ZNF148: variants seen among roughly 807,000 people sequenced by gnomAD.
ZNF148 encodes the protein zinc finger protein 148.
In ZNF148, 7 loss-of-function variants were observed where a neutral mutation model predicts 67.7. The ratio of observed to expected loss-of-function variants is 0.10; its 90% CI spans 0.06 to 0.19. The LOEUF is 0.19. ZNF148 is among the 10% of genes least tolerant of loss of function. The probability of loss-of-function intolerance (pLI) is 1.00; values close to 1 mark genes in which losing one functional copy is unlikely to be tolerated. For synonymous variants in ZNF148, 333 were observed against 330.7 expected, an observed-to-expected ratio of 1.01 and a Z score of -0.08; for missense variants, 583 against 947.1, an observed-to-expected ratio of 0.62 and a Z score of 5.05.
chr3:125,283,353 C>A (rs558776957), intron 5 of ZNF148, among the ~76,000 whole-genome samples: 1 of 152,226 alleles, frequency 6.6e-6, no homozygotes, highest in South Asian at 2.1e-4. Flanking sequence ...AGCACCAGAA[C>A]AAGAAATTCA....
At chr3:125,325,864 G>A (rs866935151) in intron 2 of ZNF148, among the ~76,000 whole-genome samples, 1 of 152,062 alleles carries the variant, frequency 6.6e-6, no homozygotes, top group Admixed American at 6.5e-5. Flanking sequence ...CCTACACCTG[G>A]ACACAACATA....
chr3:125,366,091 A>C (rs1442291467), intron 1 of ZNF148, among the ~76,000 whole-genome samples: 1 of 152,198 alleles, frequency 6.6e-6, no homozygotes, highest in African/African-American at 2.4e-5. Context: ...CCTTGGCTCA[A>C]TTCTCTACTC....
At chr3:125,354,478 T>C (rs1200228453) in intron 1 of ZNF148, among the ~76,000 whole-genome samples, 12 of 152,236 alleles carry the variant, frequency 7.9e-5, no homozygotes, top group Admixed American at 7.9e-4. Flanking sequence ...GCTTAAGCAA[T>C]CTGAAAATAT....
intron 7 of ZNF148, among the ~76,000 whole-genome samples, chr3:125,239,845 A>G (rs1444367496): frequency 6.6e-6 from 1 of 152,232 alleles, no homozygotes; most frequent in African/African-American, 2.4e-5. Context: ...AAAAAGAAAG[A>G]AAGTGCAGGC....
intron 7 of ZNF148, among the ~76,000 whole-genome samples, chr3:125,265,818 G>T (rs1165999604): frequency 6.6e-6 from 1 of 152,100 alleles, no homozygotes; most frequent in Non-Finnish European, 1.5e-5. Context: ...CAAATAGGTT[G>T]TTCTTTTTGT....
chr3:125,269,261 G>C (rs912491006), intron 7 of ZNF148, among the ~76,000 whole-genome samples: 12 of 148,684 alleles, frequency 8.1e-5, no homozygotes, highest in African/African-American at 2.5e-5. Context: ...TGCACCTGCA[G>C]TCCCAGCTAC....
At chr3:125,321,855 T>C (rs758240725) in intron 3 of ZNF148, among the ~76,000 whole-genome samples, 5 of 151,976 alleles carry the variant, frequency 3.3e-5, no homozygotes, top group Non-Finnish European at 7.4e-5. Flanking sequence ...TTTCCCTGTA[T>C]ACTATGAACA....
intron 1 of ZNF148, among the ~76,000 whole-genome samples, chr3:125,341,705 T>TA (rs1941730520): frequency 6.6e-6 from 1 of 151,964 alleles, no homozygotes; most frequent in East Asian, 1.9e-4. Flanking sequence ...AATAAAAACA[T>TA]AGAGATGGGC....
intron 4 of ZNF148, among the ~76,000 whole-genome samples, chr3:125,301,359 T>A (rs546473700): frequency 1.1e-4 from 17 of 152,244 alleles, no homozygotes; most frequent in African/African-American, 4.1e-4. Flanking sequence ...AAGAAACAGC[T>A]GGCCTATATT....
At chr3:125,333,714 CTAAA>C (rs774221685) in intron 1 of ZNF148, among the ~76,000 whole-genome samples, 1 of 152,144 alleles carries the variant, frequency 6.6e-6, no homozygotes, top group Non-Finnish European at 1.5e-5. Flanking sequence ...ATTTTTCTGG[CTAAA>C]TAATCTTTGA....
chr3:125,307,746 G>C (rs1321162521), intron 4 of ZNF148, among the ~76,000 whole-genome samples: 1 of 151,926 alleles, frequency 6.6e-6, no homozygotes, highest in Non-Finnish European at 1.5e-5. Flanking sequence ...CTGGACTCAG[G>C]TGATCCTCCC....
At chr3:125,295,715 T>A (rs1055269148) in intron 4 of ZNF148, among the ~76,000 whole-genome samples, 4 of 152,120 alleles carry the variant, frequency 2.6e-5, no homozygotes, top group Non-Finnish European at 4.4e-5. Context: ...GAAAATCTCA[T>A]AGGATTTTTA....
intron 3 of ZNF148, among the ~76,000 whole-genome samples, chr3:125,320,136 T>C (rs1301970039): frequency 2.0e-5 from 3 of 152,222 alleles, no homozygotes; most frequent in Non-Finnish European, 4.4e-5. Context: ...TTCTTTCTTT[T>C]TCATGTGTTT....
chr3:125,282,363 C>T (rs1264305095), intron 5 of ZNF148, among the ~76,000 whole-genome samples: 7 of 152,004 alleles, frequency 4.6e-5, no homozygotes. Context: ...TCTTTTTTCC[C>T]CAACATATGG....
At chr3:125,362,760 GC>G (rs929627788) in intron 1 of ZNF148, among the ~76,000 whole-genome samples, 31 of 152,120 alleles carry the variant, frequency 2.0e-4, no homozygotes, top group African/African-American at 7.2e-4. Flanking sequence ...TCATCATGTT[GC>G]CCAGCATGGT....
chr3:125,371,323 C>T (rs1175870736), intron 1 of ZNF148, among the ~76,000 whole-genome samples: 1 of 125,246 alleles, frequency 8.0e-6, no homozygotes, highest in African/African-American at 3.1e-5. Context: ...GCGCACTGCA[C>T]TTCAGCCTGG....
At position 125,331,528 on chromosome 3, in the gene ZNF148, C is replaced by T. The variant is rs548117785; in HGVS notation, c.-233-290G>A. Among the ~76,000 whole-genome samples, 18 of 152,344 alleles carry T rather than the reference C, an allele frequency of 1.2e-4. No individual in the cohort carries two copies. In the South Asian group the frequency reaches 2.9e-3, roughly 25 times the overall value. ...ATTTCTTTGAAGTCAGGACAATAAACTTGACTATCATCTTAAATATCATAA... is the reference window on the plus strand; with the variant it reads ...ATTTCTTTGAAGTCAGGACAATAAATTTGACTATCATCTTAAATATCATAA... On this transcript the variant is annotated intron_variant, in intron 1 of 8. Transcript: ENST00000360647.
intron 7 of ZNF148, among the ~76,000 whole-genome samples, chr3:125,260,063 C>CA (rs1937266626): frequency 6.6e-6 from 1 of 152,146 alleles, no homozygotes; most frequent in East Asian, 1.9e-4. Context: ...TTGGAACACA[C>CA]ACAACACTTA....
intron 4 of ZNF148, among the ~76,000 whole-genome samples, chr3:125,309,448 G>A (rs1940076888): frequency 6.6e-6 from 1 of 152,222 alleles, no homozygotes; most frequent in South Asian, 2.1e-4. Flanking sequence ...TGAAACATGA[G>A]TAACAGTAAA....
Sources: gnomAD v4.1 joint callset for allele counts (sites outside exome capture counted in the v4.1 genomes callset) on GRCh38, gnomAD v4.1.1 for gene constraint, MANE v1.5 for transcripts, NCBI Gene and HGNC (gene_info 2026-07-23, HGNC 2026-07-21) for gene names.